The following NDUFAF6 variants were observed in gnomAD, a reference collection of about 807,000 sequenced individuals.
NDUFAF6 encodes NADH dehydrogenase (ubiquinone) complex I, assembly factor 6.
NDUFAF6 carries 45 observed loss-of-function variants against 40.8 expected under a neutral mutation model. That is an observed-to-expected ratio of 1.10 (90% confidence interval 0.87 to 1.42). The LOEUF is 1.42. Among genes scored for constraint, NDUFAF6 ranks in the 40% most tolerant of loss-of-function variants. NDUFAF6 has a pLI of 0.00. For missense variants in NDUFAF6, 435 were observed against 418.5 expected, an observed-to-expected ratio of 1.04 and a Z score of -0.34; for synonymous variants, 185 against 155.9, an observed-to-expected ratio of 1.19 and a Z score of -1.39.
chr8:95,100,679 T>C lies in NDUFAF6; in HGVS notation n.135+151T>C, dbSNP rs141293812. The stretch of plus-strand genomic sequence containing the variant: ...ATTGGCTAAATGACGCAGCTTCCAG[T>C]ATGATTTATACCCAGAAACCTTTGC... On this transcript the variant is annotated intron_variant and non_coding_transcript_variant, in intron 1 of 2. Transcript: ENST00000521063. Among the ~76,000 whole-genome samples, 341 of 152,354 alleles carry C rather than the reference T, an allele frequency of 2.2e-3. 2 individuals carry two copies. Among genetic ancestry groups the C allele is most frequent in the African/African-American group, 7.6e-3 (317 of 41,578 alleles).
At chr8:95,100,631 T>G (rs1335154317) in intron 1 of NDUFAF6, 1 of 152,228 alleles carries the variant, frequency 6.6e-6, no homozygotes, top group Non-Finnish European at 1.5e-5. Flanking sequence ...GAAGCTATAT[T>G]AGTTCAGAAG....
downstream of NDUFAF6, among the ~76,000 whole-genome samples, chr8:95,079,639 T>C (rs974470815): frequency 1.4e-4 from 22 of 151,814 alleles, 1 homozygote; most frequent in African/African-American, 2.4e-5. Context: ...AATTAAACTA[T>C]AGGACCAAAC....
At chr8:94,942,197 C>T (rs1057470896) in intron 1 of NDUFAF6, among the ~76,000 whole-genome samples, 1 of 152,018 alleles carries the variant, frequency 6.6e-6, no homozygotes. Flanking sequence ...CCACCACATC[C>T]GGCTAATTTC....
At chr8:94,923,329 C>G (rs896543917) in intron 1 of NDUFAF6, among the ~76,000 whole-genome samples, 2 of 152,202 alleles carry the variant, frequency 1.3e-5, no homozygotes, top group African/African-American at 4.8e-5. Flanking sequence ...GAAATGTTCT[C>G]TATCTGCACT....
At chr8:94,996,535 A>G (rs1014991388) in intron 2 of NDUFAF6, among the ~76,000 whole-genome samples, 2 of 152,188 alleles carry the variant, frequency 1.3e-5, no homozygotes, top group African/African-American at 4.8e-5. Flanking sequence ...ATAGAATTAG[A>G]TAATTGGATA....
chr8:94,969,869 G>T (rs1474023012), intron 1 of NDUFAF6, among the ~76,000 whole-genome samples: 1 of 152,040 alleles, frequency 6.6e-6, no homozygotes, highest in Non-Finnish European at 1.5e-5. Flanking sequence ...ATCGACAAAG[G>T]ACATGAACAG....
rs564390856 is a variant in NDUFAF6 at position 95,069,211 on chromosome 8, G to T, written c.*512-6422G>T. 3.2e-4 allele frequency: 48 copies of T among 152,054 alleles called. 4 individuals carry two copies. Among genetic ancestry groups the T allele is most frequent in the African/African-American group, 1.2e-3 (48 of 41,300 alleles). The allele number at this position is 152,054 out of a possible 1,614,324, so 9.4% of individuals were successfully genotyped here. A position where few individuals can be genotyped will look rare whatever the true frequency, so the allele number is the denominator to read the frequency against. The stretch of plus-strand genomic sequence containing the variant: ...TGTATCCATGAACAAGGTAAACAAG[G>T]TGGCTGTTCTCATGGAGCTTATATC... On this transcript the variant is annotated intron_variant and NMD_transcript_variant, in intron 9 of 9. Transcript: ENST00000520757.
At chr8:95,022,588 CA>C (rs77755094), upstream of NDUFAF6, among the ~76,000 whole-genome samples, 1,246 of 111,254 alleles carry the variant, frequency 0.011, 7 homozygotes, top group African/African-American at 0.028. Flanking sequence ...TTTACCCCTC[CA>C]AAAAAAAAAA....
chr8:95,071,100 A>G (rs1412729851), intron 9 of NDUFAF6, among the ~76,000 whole-genome samples: 1 of 152,180 alleles, frequency 6.6e-6, no homozygotes, highest in Non-Finnish European at 1.5e-5. Context: ...ATTAAAGCAT[A>G]AGGCAACCGG....
At chr8:94,967,284 C>A (rs1468471998) in intron 1 of NDUFAF6, among the ~76,000 whole-genome samples, 2 of 152,174 alleles carry the variant, frequency 1.3e-5, no homozygotes, top group African/African-American at 4.8e-5. Context: ...CTTGGATATG[C>A]CCCTCTGTGT....
chr8:95,070,476 A>G (rs1310183579), intron 9 of NDUFAF6, among the ~76,000 whole-genome samples: 1 of 152,308 alleles, frequency 6.6e-6, no homozygotes, highest in Non-Finnish European at 1.5e-5. Context: ...GATATTTTCC[A>G]TCTTGGATGC....
chr8:95,095,020 G>C (rs1308646019), intron 2 of NDUFAF6, among the ~76,000 whole-genome samples: 1 of 151,090 alleles, frequency 6.6e-6, no homozygotes, highest in Non-Finnish European at 1.5e-5. Context: ...TCCCACCTCA[G>C]CCTCCCAAAG....
chr8:94,967,387 T>C (rs1824091092), intron 1 of NDUFAF6, among the ~76,000 whole-genome samples: 1 of 152,212 alleles, frequency 6.6e-6, no homozygotes, highest in African/African-American at 2.4e-5. Flanking sequence ...ACAGCAAGAC[T>C]GACCATCTTC....
At chr8:95,077,154 G>A (rs1244694336), downstream of NDUFAF6, among the ~76,000 whole-genome samples, 2 of 152,162 alleles carry the variant, frequency 1.3e-5, no homozygotes, top group African/African-American at 2.4e-5. Context: ...CCTTGATCTT[G>A]GACTTCTACC....
chr8:95,039,170 C>T (rs562032393), intron 3 of NDUFAF6, among the ~76,000 whole-genome samples: 11 of 150,718 alleles, frequency 7.3e-5, no homozygotes, highest in African/African-American at 1.9e-4. Flanking sequence ...AATGGGGTTT[C>T]GTGGCCAGGC....
At chr8:94,962,791 CT>C (rs58474094) in intron 1 of NDUFAF6, among the ~76,000 whole-genome samples, 52 of 139,688 alleles carry the variant, frequency 3.7e-4, no homozygotes, top group Non-Finnish European at 3.4e-4. Flanking sequence ...TCCTTTTTTT[CT>C]TTTTTTTTTT....
chr8:94,916,763 A>T (rs967406078), intron 1 of NDUFAF6, among the ~76,000 whole-genome samples: 18 of 145,004 alleles, frequency 1.2e-4, no homozygotes, highest in Admixed American at 5.8e-4. Context: ...CAGTGAGCCG[A>T]GATCACGCCA....
intron 7 of NDUFAF6, 56 bp from the exon 8 acceptor site, chr8:95,052,118 G>A: frequency 6.5e-7 from 1 of 1,533,762 alleles, no homozygotes; most frequent in Admixed American, 1.7e-5. Flanking sequence ...TGCTTTCAGA[G>A]GGAGAGTGTT....
chr8:95,030,161 T>C (rs1179176542), intron 1 of NDUFAF6, among the ~76,000 whole-genome samples: 1 of 151,994 alleles, frequency 6.6e-6, no homozygotes, highest in Admixed American at 6.6e-5. Context: ...TCTCTTCCTA[T>C]TTATTAATTT....
Sources: gnomAD v4.1 joint callset for allele counts (sites outside exome capture counted in the v4.1 genomes callset) on GRCh38, gnomAD v4.1.1 for gene constraint, MANE v1.5 for transcripts, NCBI Gene and HGNC (gene_info 2026-07-23, HGNC 2026-07-21) for gene names.